PAIP2: variants seen among roughly 807,000 people sequenced by gnomAD.
PAIP2 encodes poly(A) binding protein interacting protein 2, also known as polyadenylate-binding protein-interacting protein 2.
In PAIP2, 7 loss-of-function variants were observed where a neutral mutation model predicts 14.8. That is an observed-to-expected ratio of 0.47 (90% confidence interval 0.27 to 0.89). PAIP2 has a LOEUF of 0.89. Ranked by LOEUF, PAIP2 falls within the 40% of genes least tolerant of loss-of-function variation. PAIP2 has a pLI of 0.13. For synonymous variants in PAIP2, 47 were observed against 45.3 expected (o/e 1.04, Z -0.15); for missense variants, 122 against 154.7 (o/e 0.79, Z 1.12).
At chr5:139,354,039 CAGAA>C (rs1280860163) in intron 1 of PAIP2, among the ~76,000 whole-genome samples, 1 of 152,114 alleles carries the variant, frequency 6.6e-6, no homozygotes, top group African/African-American at 2.4e-5. Flanking sequence ...TTAAATAATG[CAGAA>C]AGAAAGAGGA....
chr5:139,367,986 G>A (rs552184471), intron 3 of PAIP2, among the ~76,000 whole-genome samples: 10 of 151,770 alleles, frequency 6.6e-5, no homozygotes, highest in African/African-American at 2.4e-4. Flanking sequence ...GGCAGATCAC[G>A]AGGTCAGATC....
intron 1 of PAIP2, among the ~76,000 whole-genome samples, chr5:139,355,821 C>T (rs532029840): frequency 6.6e-6 from 1 of 151,778 alleles, no homozygotes; most frequent in Admixed American, 6.6e-5. Context: ...CAAGCCACTG[C>T]ACTCCAGCCT....
intron 1 of PAIP2, among the ~76,000 whole-genome samples, chr5:139,360,638 G>A (rs1394217139): frequency 3.3e-5 from 5 of 151,858 alleles, no homozygotes; most frequent in Non-Finnish European, 5.9e-5. Context: ...GACTGCAGGC[G>A]TGCACCACTG....
At chr5:139,343,440 G>A (rs1756441490) in intron 1 of PAIP2, 1 of 152,190 alleles carries the variant, frequency 6.6e-6, no homozygotes, top group Non-Finnish European at 1.5e-5. Flanking sequence ...GTCAGAATGA[G>A]TTTATAGCAG....
Position 139,368,786 on chromosome 5 carries a change from C to A in PAIP2, c.372C>A (p.Tyr124Ter). The A allele has an allele frequency of 6.2e-7, 1 of 1,611,864 alleles. No homozygotes were observed. The highest frequency in any genetic ancestry group is 8.5e-7 in the Non-Finnish European group (1 of 1,178,186). ...AGGAGTTTGTTCCTGGGGTGAAGTA[C>A]GGAAATATTTGAGTAGACGGGGCCC... ...NAKEFVPGVK[Y>*]GNI The change falls in exon 4 of 4, where the codon TAC becomes TAA. Residue 124 changes from tyrosine (Y) to a stop codon, truncating the protein, a stop_gained. Coordinates refer to ENST00000265192, the MANE Select transcript of PAIP2 (RefSeq NM_016480.5). LOFTEE classifies it high-confidence loss of function.
At chr5:139,346,078 A>G (rs1256865792) in intron 1 of PAIP2, among the ~76,000 whole-genome samples, 1 of 152,194 alleles carries the variant, frequency 6.6e-6, no homozygotes, top group Non-Finnish European at 1.5e-5. Context: ...CAGGAGGGGA[A>G]AAACAGCTGA....
chr5:139,364,840 C>A, intron 3 of PAIP2, 97 bp downstream of exon 3: 2 of 806,280 alleles, frequency 2.5e-6, no homozygotes, highest in East Asian at 2.6e-5. Context: ...CATCTCTTTC[C>A]CCTTCAGAAA....
At chr5:139,349,809 C>T (rs572996629) in intron 1 of PAIP2, among the ~76,000 whole-genome samples, 7 of 151,898 alleles carry the variant, frequency 4.6e-5, no homozygotes, top group Non-Finnish European at 8.8e-5. Flanking sequence ...TGAGACCATC[C>T]TGGCCAACAT....
chr5:139,344,564 A>G (rs1255881947), intron 1 of PAIP2, among the ~76,000 whole-genome samples: 1 of 152,238 alleles, frequency 6.6e-6, no homozygotes, highest in Admixed American at 6.5e-5. Context: ...ATGAAGAACT[A>G]AATTTTAATT....
intron 1 of PAIP2, among the ~76,000 whole-genome samples, chr5:139,344,996 CAGTT>C (rs1756493539): frequency 6.6e-6 from 1 of 152,218 alleles, no homozygotes. Context: ...CATGGTCACA[CAGTT>C]AGTAAAGCAG....
intron 1 of PAIP2, among the ~76,000 whole-genome samples, chr5:139,358,986 T>G (rs1756995153): frequency 6.6e-6 from 1 of 152,096 alleles, no homozygotes; most frequent in African/African-American, 2.4e-5. Flanking sequence ...CAGTAAATTC[T>G]TTTTTTGAGA....
intron 1 of PAIP2, among the ~76,000 whole-genome samples, chr5:139,348,985 A>C (rs1029876128): frequency 6.6e-6 from 1 of 152,122 alleles, no homozygotes; most frequent in African/African-American, 2.4e-5. Flanking sequence ...CTGAGTGATG[A>C]ATTTAGTAAA....
At chr5:139,352,488 G>GTTTTTTTTT (rs1185620394) in intron 1 of PAIP2, among the ~76,000 whole-genome samples, 21 of 94,828 alleles carry the variant, frequency 2.2e-4, no homozygotes, top group African/African-American at 6.0e-4. Context: ...ATTCCTGCCA[G>GTTTTTTTTT]TTTTTTTTTT....
chr5:139,358,314 T>C (rs1756975597), intron 1 of PAIP2, among the ~76,000 whole-genome samples: 1 of 152,228 alleles, frequency 6.6e-6, no homozygotes, highest in Admixed American at 6.5e-5. Flanking sequence ...TGTAAGGCCC[T>C]TAAATGCAAT....
Position 139,369,202 on chromosome 5 carries a change from T to C in PAIP2, c.*404T>C, listed in dbSNP as rs925432644. The C allele has an allele frequency of 7.1e-5, 11 of 154,986 alleles. No homozygotes were observed. Among genetic ancestry groups the C allele is most frequent in the African/African-American group, 2.6e-4 (11 of 41,534 alleles). The allele number at this position is 154,986 out of a possible 1,614,324, so 9.6% of individuals were successfully genotyped here. Reference sequence around the variant, plus strand: ...TATTTCTCAGACTTAAATTTGATTATGTCCCCATCAAAAAGAATCTCCATT... The same window carrying C: ...TATTTCTCAGACTTAAATTTGATTACGTCCCCATCAAAAAGAATCTCCATT... On this transcript the variant is annotated 3_prime_UTR_variant, in exon 4 of 4. Coordinates refer to ENST00000265192, the MANE Select transcript of PAIP2 (RefSeq NM_016480.5).
At chr5:139,367,422 T>C (rs566648751) in intron 3 of PAIP2, 1 of 152,290 alleles carries the variant, frequency 6.6e-6, no homozygotes, top group East Asian at 1.9e-4. Context: ...TTTAGAGACA[T>C]AGCATAACAT....
At chr5:139,361,393 C>T (rs1757063162) in intron 1 of PAIP2, among the ~76,000 whole-genome samples, 1 of 152,050 alleles carries the variant, frequency 6.6e-6, no homozygotes, top group Non-Finnish European at 1.5e-5. Flanking sequence ...TTGATTATGA[C>T]AAATGTGAGG....
At chr5:139,358,576 A>G (rs567387694) in intron 1 of PAIP2, among the ~76,000 whole-genome samples, 1 of 152,252 alleles carries the variant, frequency 6.6e-6, no homozygotes, top group Non-Finnish European at 1.5e-5. Context: ...AAATACCGAT[A>G]ACAGCATTAT....
intron 1 of PAIP2, among the ~76,000 whole-genome samples, chr5:139,363,454 C>T (rs1335787930): frequency 6.6e-6 from 1 of 152,128 alleles, no homozygotes; most frequent in Non-Finnish European, 1.5e-5. Context: ...GGCCTGGTGG[C>T]TCATGCATAT....
Sources: allele counts gnomAD v4.1 joint callset (sites outside exome capture counted in the v4.1 genomes callset), GRCh38; gene constraint gnomAD v4.1.1; transcripts MANE v1.5; gene names NCBI Gene and HGNC (gene_info 2026-07-23, HGNC 2026-07-21).